RPS6KA2: variants seen among roughly 807,000 people sequenced by gnomAD.
RPS6KA2 encodes the protein ribosomal protein S6 kinase alpha-2.
A neutral mutation model predicts 91.8 loss-of-function variants in RPS6KA2; 42 were observed. The observed-to-expected ratio is 0.46, with a 90% confidence interval of 0.36 to 0.59. The LOEUF (loss-of-function observed/expected upper bound fraction) is 0.59, where lower values mean the gene tolerates loss of function less well. Among genes scored for constraint, RPS6KA2 ranks in the 20% least tolerant of loss-of-function variants. The pLI is 0.00. For synonymous variants in RPS6KA2, 414 were observed against 393.6 expected (o/e 1.05, Z -0.61); for missense variants, 798 against 978.5 (o/e 0.82, Z 2.46).
intron 2 of RPS6KA2, among the ~76,000 whole-genome samples, chr6:166,715,547 G>A (rs1021103156): frequency 2.6e-5 from 4 of 152,230 alleles, no homozygotes; most frequent in African/African-American, 9.6e-5. Flanking sequence ...AAGCACAGCC[G>A]TGCATCACTT....
chr6:166,514,302 T>C (rs1207547851), intron 3 of RPS6KA2, among the ~76,000 whole-genome samples: 2 of 152,136 alleles, frequency 1.3e-5, no homozygotes, highest in Non-Finnish European at 2.9e-5. Flanking sequence ...GAGAGCCCAG[T>C]GGGGAGATGC....
chr6:166,481,198 G>A (rs1781202107), intron 10 of RPS6KA2, among the ~76,000 whole-genome samples: 1 of 152,192 alleles, frequency 6.6e-6, no homozygotes, highest in Non-Finnish European at 1.5e-5. Context: ...AAGTTTAAAA[G>A]GCCAAGTCAA....
rs1428869729 is a variant in RPS6KA2, at chr6:166,493,595, C to T, written c.748-2854G>A. Among the ~76,000 whole-genome samples, 2 of 151,996 alleles carry T rather than the reference C, an allele frequency of 1.3e-5. No individual in the cohort carries two copies. The highest frequency in any genetic ancestry group is 6.6e-5 in the Admixed American group (1 of 15,256). ...CAAAGGATTCTTTCCCAATCGGCAC[C>T]GAGACCAGGCTGCAGACAGGCACAG... On this transcript the variant is annotated intron_variant, in intron 8 of 20. Transcript: ENST00000265678. This position sits in a 1 kb window ranked among gnomAD's most constrained non-coding sequence, Gnocchi z 4.7.
intron 2 of RPS6KA2, among the ~76,000 whole-genome samples, chr6:166,535,836 A>G (rs961653074): frequency 3.9e-5 from 6 of 152,228 alleles, no homozygotes; most frequent in Admixed American, 1.3e-4. Flanking sequence ...TGCTCTCTAG[A>G]TAGCGATGAA....
Position 166,727,023 on chromosome 6 carries a change from T to C in RPS6KA2, c.123+131177A>G, listed in dbSNP as rs1321723542. On this transcript the variant is annotated intron_variant, in intron 2 of 21. Transcript: ENST00000503859. ...TCCACTGATCAGAAACTTACACGACTTTATCAGAAGCACTCTGAGATGGAC... is the reference window on the plus strand; with the variant it reads ...TCCACTGATCAGAAACTTACACGACCTTATCAGAAGCACTCTGAGATGGAC... Among the ~76,000 whole-genome samples, 20 of 152,182 alleles carry C rather than the reference T, an allele frequency of 1.3e-4. 1 individual carries two copies. The highest frequency in any genetic ancestry group is 1.3e-3 in the Admixed American group (20 of 15,278).
Position 166,627,185 on chromosome 6 carries a change from C to T in RPS6KA2, c.-166G>A. ...CGAGCTGCGGTCACAAAGGGCAGGC[C>T]GCGCCGGCCACCGCGGCCGGGGCCA... On this transcript the variant is annotated 5_prime_UTR_variant, in exon 1 of 21. Coordinates refer to ENST00000265678, the MANE Select transcript of RPS6KA2 (RefSeq NM_021135.6). 9.4e-7 allele frequency: 1 copy of T among 1,062,462 alleles called. No homozygotes were observed. Among genetic ancestry groups the T allele is most frequent in the Non-Finnish European group, 1.1e-6 (1 of 881,318 alleles). 65.8% of individuals were successfully genotyped at this position (1,062,462 alleles called of 1,614,324 possible).
chr6:166,459,305 C>A lies in RPS6KA2; in HGVS notation c.1075+144G>T, dbSNP rs1460091351. The A allele has an allele frequency of 1.2e-5, 7 of 602,510 alleles. No individual in the cohort carries two copies. The highest frequency in any genetic ancestry group is 6.0e-5 in the South Asian group (3 of 50,158). 37.3% of individuals were successfully genotyped at this position (602,510 alleles called of 1,614,324 possible). On this transcript the variant is annotated intron_variant, in intron 12 of 20. Coordinates refer to ENST00000265678, the MANE Select transcript of RPS6KA2 (RefSeq NM_021135.6). The surrounding 1 kb of genome is among the most constrained non-coding windows in gnomAD (Gnocchi z 4.9). Reference sequence around the variant, plus strand: ...AACCTTTATCACTGAGCAGAGAAAACAACAACAAAAAACCCAAACAGAATG... The same window carrying A: ...AACCTTTATCACTGAGCAGAGAAAAAAACAACAAAAAACCCAAACAGAATG...
intron 2 of RPS6KA2, among the ~76,000 whole-genome samples, chr6:166,734,861 C>T (rs1790631579): frequency 6.6e-6 from 1 of 152,124 alleles, no homozygotes; most frequent in Admixed American, 6.5e-5. Flanking sequence ...TCACCTTTAC[C>T]ATGACAGTGT....
Position 166,494,619 on chromosome 6 carries a change from C to T in RPS6KA2, c.748-3878G>A, listed in dbSNP as rs1041127270. Among the ~76,000 whole-genome samples the T allele has an allele frequency of 3.9e-5, 6 of 152,228 alleles. No individual in the cohort carries two copies. The highest frequency in any genetic ancestry group is 7.2e-5 in the African/African-American group (3 of 41,458). Reference sequence around the variant, plus strand: ...GCTGGAAATTCTACAAATGTCACCACGCAGCCGGCCACCAGGTTTGCACGT... The same window carrying T: ...GCTGGAAATTCTACAAATGTCACCATGCAGCCGGCCACCAGGTTTGCACGT... On this transcript the variant is annotated intron_variant, in intron 8 of 20. Coordinates refer to ENST00000265678, the MANE Select transcript of RPS6KA2 (RefSeq NM_021135.6). This position sits in a 1 kb window ranked among gnomAD's most constrained non-coding sequence, Gnocchi z 5.1.
intron 1 of RPS6KA2, among the ~76,000 whole-genome samples, chr6:166,543,319 T>C (rs1413247022): frequency 6.6e-6 from 1 of 152,204 alleles, no homozygotes; most frequent in Admixed American, 6.5e-5. Flanking sequence ...GCCCACCTGC[T>C]TCAGAATCAC....
intron 2 of RPS6KA2, among the ~76,000 whole-genome samples, chr6:166,650,957 CA>C: frequency 6.6e-6 from 1 of 152,250 alleles, no homozygotes; most frequent in East Asian, 1.9e-4. Context: ...AAATTGTTTT[CA>C]GCACCTAAAA....
chr6:166,545,373 G>A (rs756096488), intron 1 of RPS6KA2, among the ~76,000 whole-genome samples: 3 of 152,186 alleles, frequency 2.0e-5, no homozygotes, highest in Non-Finnish European at 4.4e-5. Context: ...CATGCACAGT[G>A]ACAATCTAGG....
intron 2 of RPS6KA2, among the ~76,000 whole-genome samples, chr6:166,832,035 ATGATAGAT>A (rs1780198665): frequency 7.6e-6 from 1 of 130,962 alleles, no homozygotes. Context: ...TAGATGATAC[ATGATAGAT>A]AGATAGATAG....
intron 2 of RPS6KA2, among the ~76,000 whole-genome samples, chr6:166,532,464 C>T (rs567981906): frequency 6.6e-6 from 1 of 152,328 alleles, no homozygotes; most frequent in East Asian, 1.9e-4. Flanking sequence ...CGCAAGGTCC[C>T]AGCACAGGCA....
chr6:166,588,565 G>T (rs1785259184), intron 1 of RPS6KA2, among the ~76,000 whole-genome samples: 1 of 152,182 alleles, frequency 6.6e-6, no homozygotes, highest in African/African-American at 2.4e-5. Flanking sequence ...AATTCTGCCT[G>T]TCCCCAACCT....
At chr6:166,783,263 A>G (rs1778818658) in intron 2 of RPS6KA2, among the ~76,000 whole-genome samples, 1 of 151,778 alleles carries the variant, frequency 6.6e-6, no homozygotes, top group African/African-American at 2.4e-5. Context: ...TGAAATCAGC[A>G]GATTTGAGTA....
At chr6:166,521,778 T>C (rs1273093099) in intron 3 of RPS6KA2, among the ~76,000 whole-genome samples, 1 of 152,164 alleles carries the variant, frequency 6.6e-6, no homozygotes, top group Non-Finnish European at 1.5e-5. Flanking sequence ...ATGGGATGAA[T>C]GTGGGAAAGA....
chr6:166,832,069 G>GATAGATAGATAT, intron 2 of RPS6KA2, among the ~76,000 whole-genome samples: 1 of 149,320 alleles, frequency 6.7e-6, no homozygotes, highest in Non-Finnish European at 1.5e-5. Context: ...TAGATAGATA[G>GATAGATAGATAT]ATAGATAGAT....
intron 1 of RPS6KA2, among the ~76,000 whole-genome samples, chr6:166,622,099 C>T (rs902020529): frequency 6.6e-6 from 1 of 152,190 alleles, no homozygotes; most frequent in African/African-American, 2.4e-5. Flanking sequence ...ATAGTCTGAA[C>T]AGTCTTTGCT....
Sources: allele counts gnomAD v4.1 joint callset (sites outside exome capture counted in the v4.1 genomes callset), GRCh38; gene constraint gnomAD v4.1.1; non-coding constraint Gnocchi (gnomAD v3.1); transcripts MANE v1.5; gene names NCBI Gene and HGNC (gene_info 2026-07-23, HGNC 2026-07-21).